TRHDE: variants seen among roughly 807,000 people sequenced by gnomAD.
TRHDE encodes the protein thyrotropin-releasing hormone-degrading ectoenzyme.
TRHDE carries 72 observed loss-of-function variants against 125.7 expected under a neutral mutation model. The observed-to-expected ratio is 0.57, with a 90% CI of 0.47 to 0.70. The LOEUF (loss-of-function observed/expected upper bound fraction) is 0.70. Among genes scored for constraint, TRHDE ranks in the 30% least tolerant of loss-of-function variants. TRHDE has a pLI of 0.00. For synonymous variants in TRHDE, 509 were observed against 509.1 expected, an observed-to-expected ratio of 1.00 and a Z score of 0.00; for missense variants, 1,110 against 1,327.1, an observed-to-expected ratio of 0.84 and a Z score of 2.54.
chr12:72,217,745 G>A (rs1425932799), intron 2 of TRHDE, among the ~76,000 whole-genome samples: 1 of 152,076 alleles, frequency 6.6e-6, no homozygotes, highest in Admixed American at 6.6e-5. Flanking sequence ...AGAAACATGA[G>A]AAACATAAAA....
intron 12 of TRHDE, among the ~76,000 whole-genome samples, chr12:72,586,899 A>G (rs919536412): frequency 3.9e-5 from 6 of 152,092 alleles, no homozygotes; most frequent in Admixed American, 2.6e-4. Flanking sequence ...GAGAATAATG[A>G]TTGAATATCA....
chr12:72,555,741 G>C (rs905857668), intron 7 of TRHDE, among the ~76,000 whole-genome samples: 2 of 152,124 alleles, frequency 1.3e-5, no homozygotes, highest in Admixed American at 1.3e-4. Context: ...CCTCTGAAGT[G>C]CATGGGCCAG....
intron 2 of TRHDE, among the ~76,000 whole-genome samples, chr12:72,294,542 G>A (rs1326760788): frequency 6.6e-6 from 1 of 152,146 alleles, no homozygotes; most frequent in Non-Finnish European, 1.5e-5. Flanking sequence ...CCAGTCGTCT[G>A]GATGTCTGCT....
At chr12:72,533,723 G>GTTTTTTTTTTTTTTCTTT (rs1868689736) in intron 6 of TRHDE, among the ~76,000 whole-genome samples, 1 of 97,898 alleles carries the variant, frequency 1.0e-5, no homozygotes, top group Non-Finnish European at 2.3e-5. Context: ...TTTTCTATTT[G>GTTTTTTTTTTTTTTCTTT]TTTTTTTTTT....
chr12:72,555,193 A>G (rs1869859356), intron 7 of TRHDE, among the ~76,000 whole-genome samples: 1 of 152,178 alleles, frequency 6.6e-6, no homozygotes, highest in African/African-American at 2.4e-5. Context: ...GTTCCTAGCA[A>G]ACTATCTGAA....
chr12:72,296,575 C>G (rs187530192), intron 2 of TRHDE, among the ~76,000 whole-genome samples: 4 of 151,016 alleles, frequency 2.6e-5, no homozygotes, highest in African/African-American at 2.4e-5. Context: ...TGAGTTGGCT[C>G]GGTGGTCTGC....
intron 3 of TRHDE, among the ~76,000 whole-genome samples, chr12:72,435,964 C>T (rs560493278): frequency 1.5e-4 from 23 of 152,094 alleles, no homozygotes; most frequent in African/African-American, 5.1e-4. Context: ...AACTTGTTCA[C>T]ATATGTTCCC....
intron 2 of TRHDE, among the ~76,000 whole-genome samples, chr12:72,192,665 T>A (rs916270753): frequency 1.3e-5 from 2 of 152,090 alleles, no homozygotes; most frequent in African/African-American, 4.8e-5. Context: ...GTTGTTGTGG[T>A]ATGAACTTAA....
At chr12:72,626,900 A>G (rs991611197) in intron 15 of TRHDE, among the ~76,000 whole-genome samples, 1 of 151,854 alleles carries the variant, frequency 6.6e-6, no homozygotes, top group African/African-American at 2.4e-5. Flanking sequence ...TATGTTTCCA[A>G]GTTGGTGTGG....
At chr12:72,194,302 CACT>C (rs1877395907) in intron 2 of TRHDE, among the ~76,000 whole-genome samples, 1 of 152,028 alleles carries the variant, frequency 6.6e-6, no homozygotes, top group Non-Finnish European at 1.5e-5. Context: ...TTGTCATTGT[CACT>C]ACCTTAGTCT....
At chr12:72,158,013 A>G (rs1876555993) in intron 2 of TRHDE, among the ~76,000 whole-genome samples, 2 of 152,160 alleles carry the variant, frequency 1.3e-5, no homozygotes, top group Non-Finnish European at 2.9e-5. Context: ...GGGCACGATC[A>G]GTGTGTCAAA....
At chr12:72,427,774 T>C (rs1317648053) in intron 3 of TRHDE, among the ~76,000 whole-genome samples, 1 of 152,174 alleles carries the variant, frequency 6.6e-6, no homozygotes, top group East Asian at 1.9e-4. Context: ...GCCCTTTCTC[T>C]TTATGTGTTC....
At chr12:72,446,741 C>T (rs1204256814) in intron 3 of TRHDE, among the ~76,000 whole-genome samples, 1 of 151,964 alleles carries the variant, frequency 6.6e-6, no homozygotes, top group East Asian at 1.9e-4. Flanking sequence ...ACAGTTTAAA[C>T]CAACGAAGAT....
chr12:72,248,332 T>C (rs1347693084), intron 2 of TRHDE, among the ~76,000 whole-genome samples: 1 of 148,258 alleles, frequency 6.7e-6, no homozygotes, highest in Non-Finnish European at 1.5e-5. Flanking sequence ...GCAGGAGAAT[T>C]GCTTCAACTC....
chr12:72,117,265 A>G (rs759655179), intron 2 of TRHDE, among the ~76,000 whole-genome samples: 6 of 152,156 alleles, frequency 3.9e-5, no homozygotes, highest in Non-Finnish European at 7.4e-5. Flanking sequence ...ATGGTGAGAG[A>G]TAAAGGTCTA....
intron 18 of TRHDE, among the ~76,000 whole-genome samples, chr12:72,659,013 C>T (rs1874813046): frequency 6.6e-6 from 1 of 152,174 alleles, no homozygotes; most frequent in Non-Finnish European, 1.5e-5. Context: ...CTACCATAAC[C>T]CATAAGCCTC....
Position 72,502,860 on chromosome 12 carries a change from G to T in TRHDE, c.1722+3225G>T, listed in dbSNP as rs184898903. The stretch of plus-strand genomic sequence containing the variant: ...TATCCGAAAAATAATTTTCAAATGT[G>T]AATATGGAGAAATGAGGGTTAAAAC... On this transcript the variant is annotated intron_variant, in intron 6 of 18. Coordinates refer to ENST00000261180, the MANE Select transcript of TRHDE (RefSeq NM_013381.3). 3.2e-3 allele frequency among the ~76,000 whole-genome samples: 482 copies of T among 152,244 alleles called. 2 individuals are homozygous for T. Among genetic ancestry groups the T allele is most frequent in the African/African-American group, 0.011 (446 of 41,560 alleles).
At chr12:72,255,608 T>A (rs558111357) in intron 2 of TRHDE, 1 of 152,324 alleles carries the variant, frequency 6.6e-6, no homozygotes, top group African/African-American at 2.4e-5. Flanking sequence ...GTAATCTTCC[T>A]TCTCAGGAGA....
chr12:72,482,709 T>C (rs1877228379), intron 5 of TRHDE, among the ~76,000 whole-genome samples: 1 of 151,958 alleles, frequency 6.6e-6, no homozygotes, highest in Non-Finnish European at 1.5e-5. Context: ...GTTTATTTTA[T>C]AAGTTTCCTG....
Sources: allele counts gnomAD v4.1 joint callset (sites outside exome capture counted in the v4.1 genomes callset), GRCh38; gene constraint gnomAD v4.1.1; transcripts MANE v1.5; gene names NCBI Gene and HGNC (gene_info 2026-07-23, HGNC 2026-07-21).